Variants in ALPK1 observed in about 807,000 individuals in gnomAD.
The protein encoded by ALPK1 is alpha kinase 1.
In ALPK1, 110 loss-of-function variants were observed where a neutral mutation model predicts 120.6. That is an observed-to-expected ratio of 0.91 (90% confidence interval 0.78 to 1.07). ALPK1 has a LOEUF of 1.07. Among genes scored for constraint, ALPK1 ranks in the 50% least tolerant of loss-of-function variants. ALPK1 has a pLI of 0.00. For synonymous variants in ALPK1, 582 were observed against 560.3 expected (o/e 1.04, Z -0.55); for missense variants, 1,498 against 1,483.9 (o/e 1.01, Z -0.16).
chr4:112,415,683 T>C lies in ALPK1; in HGVS notation c.475+3658T>C, dbSNP rs544270993. Among the ~76,000 whole-genome samples, 10 of 150,584 alleles carry C rather than the reference T, an allele frequency of 6.6e-5. No individual in the cohort carries two copies. In the South Asian group the frequency reaches 1.5e-3, roughly 22 times the overall value. On this transcript the variant is annotated intron_variant, in intron 5 of 15. Transcript: ENST00000650871. ...ACAAAAAAGAAAAAAAAAGAGAAAG[T>C]AATAGTAATTGATGGGGAATTCCCC...
intron 2 of ALPK1, among the ~76,000 whole-genome samples, chr4:112,332,521 G>A (rs1036479337): frequency 1.3e-5 from 2 of 152,204 alleles, no homozygotes; most frequent in African/African-American, 4.8e-5. Flanking sequence ...TTGACTGGTT[G>A]CCATCAATTA....
At chr4:112,438,051 T>C (rs553911936) in intron 12 of ALPK1, among the ~76,000 whole-genome samples, 2 of 152,328 alleles carry the variant, frequency 1.3e-5, no homozygotes, top group South Asian at 4.1e-4. Context: ...TATTGACGGA[T>C]AATAAGTATT....
chr4:112,300,145 A>G (rs1388600497), intron 1 of ALPK1, among the ~76,000 whole-genome samples: 1 of 152,236 alleles, frequency 6.6e-6, no homozygotes, highest in Non-Finnish European at 1.5e-5. Flanking sequence ...AAGATACTGT[A>G]CCCATAAAAC....
chr4:112,379,868 A>G (rs1443248180), intron 3 of ALPK1, among the ~76,000 whole-genome samples: 1 of 152,226 alleles, frequency 6.6e-6, no homozygotes, highest in Non-Finnish European at 1.5e-5. Context: ...AGTGCCTCAC[A>G]GGACATTCTG....
chr4:112,324,155 G>A (rs370709117), intron 2 of ALPK1, among the ~76,000 whole-genome samples: 12 of 152,136 alleles, frequency 7.9e-5, no homozygotes, highest in African/African-American at 2.7e-4. Flanking sequence ...GTGAAACCCC[G>A]TCTCTACTAA....
intron 2 of ALPK1, among the ~76,000 whole-genome samples, chr4:112,333,217 AC>A (rs1729464255): frequency 6.6e-6 from 1 of 152,232 alleles, no homozygotes; most frequent in Admixed American, 6.5e-5. Flanking sequence ...AATTATGCCC[AC>A]CTTGCCTCTT....
chr4:112,392,102 C>T (rs1732446323), intron 4 of ALPK1, among the ~76,000 whole-genome samples: 1 of 152,140 alleles, frequency 6.6e-6, no homozygotes, highest in Non-Finnish European at 1.5e-5. Context: ...TTGGGAAAAA[C>T]ATATCACTCT....
intron 2 of ALPK1, among the ~76,000 whole-genome samples, chr4:112,340,927 T>C (rs1045174403): frequency 1.3e-5 from 2 of 152,244 alleles, no homozygotes; most frequent in Non-Finnish European, 2.9e-5. Flanking sequence ...CATGTAATGA[T>C]GTGTAGCATC....
At chr4:112,358,309 C>A (rs1433886639) in intron 2 of ALPK1, 5 of 604,260 alleles carry the variant, frequency 8.3e-6, no homozygotes, top group Non-Finnish European at 1.5e-5. Flanking sequence ...TCGGCCATGT[C>A]ATCCAAGACG....
At position 112,357,767 on chromosome 4, in the gene ALPK1, G is replaced by C. The variant is rs569271216; in HGVS notation, c.-100-19911G>C. 42 of 1,133,582 alleles carry C rather than the reference G, an allele frequency of 3.7e-5. No homozygotes were observed. In the Middle Eastern group the frequency reaches 1.6e-3, roughly 43 times the overall value. 70.2% of individuals were successfully genotyped at this position (1,133,582 alleles called of 1,614,324 possible). On this transcript the variant is annotated intron_variant, in intron 2 of 15. Coordinates refer to ENST00000650871, the MANE Select transcript of ALPK1 (RefSeq NM_025144.4). ...GGGAAGGCTCTGGGCAACATCGCCC[G>C]CATGGTGCCCTATGGGCTCCTGATC...
At chr4:112,373,443 A>T (rs1731506848) in intron 2 of ALPK1, among the ~76,000 whole-genome samples, 1 of 152,342 alleles carries the variant, frequency 6.6e-6, no homozygotes, top group Admixed American at 6.5e-5. Flanking sequence ...GTTAAAAGGG[A>T]CATTGGAAAC....
intron 2 of ALPK1, among the ~76,000 whole-genome samples, chr4:112,373,363 G>C (rs1444063757): frequency 6.6e-6 from 1 of 152,204 alleles, no homozygotes. Context: ...TTACTGCTCA[G>C]TTCTTTTCCT....
chr4:112,432,578 C>T lies in ALPK1; in HGVS notation c.3031C>T (p.His1011Tyr), dbSNP rs1373948157. 2 of 1,610,396 alleles carry T rather than the reference C, an allele frequency of 1.2e-6. No individual in the cohort carries two copies. The highest frequency in any genetic ancestry group is 1.3e-5 in the African/African-American group (1 of 74,898). ...TAAGCCCAGTCAACTCCACCGAGCACATAGTAAGTACAATCTTTTCAATAG... is the reference window on the plus strand; with the variant it reads ...TAAGCCCAGTCAACTCCACCGAGCATATAGTAAGTACAATCTTTTCAATAG... Reference protein sequence around the residue: ...VFKPSQLHRAHSALLLKYSKK... With the variant: ...VFKPSQLHRAYSALLLKYSKK... The change falls in exon 11 of 16, where the codon CAT becomes TAT. Residue 1011 changes from histidine (H) to tyrosine (Y), a missense_variant. Physicochemically the swap from His to Tyr is moderately conservative, Grantham distance 83. Transcript: ENST00000650871.
At chr4:112,324,039 T>A (rs1560636654) in intron 2 of ALPK1, among the ~76,000 whole-genome samples, 1 of 152,176 alleles carries the variant, frequency 6.6e-6, no homozygotes, top group Non-Finnish European at 1.5e-5. Flanking sequence ...ATAAAAAGCC[T>A]GCTCTTGGCC....
At chr4:112,400,632 G>A (rs1457271026) in intron 4 of ALPK1, among the ~76,000 whole-genome samples, 2 of 152,088 alleles carry the variant, frequency 1.3e-5, no homozygotes, top group African/African-American at 2.4e-5. Context: ...ATATAATTTT[G>A]GAATTTGGGA....
intron 4 of ALPK1, among the ~76,000 whole-genome samples, chr4:112,408,453 T>A (rs2148746875): frequency 6.6e-6 from 1 of 152,170 alleles, no homozygotes; most frequent in African/African-American, 2.4e-5. Context: ...GATTTACATT[T>A]TATGAATGCC....
chr4:112,418,207 C>T (rs1403847022), intron 5 of ALPK1, among the ~76,000 whole-genome samples: 3 of 152,198 alleles, frequency 2.0e-5, no homozygotes, highest in Admixed American at 6.5e-5. Flanking sequence ...AGACATGGCT[C>T]GCCGCGTGGC....
chr4:112,380,772 C>T (rs1192324209), intron 3 of ALPK1, among the ~76,000 whole-genome samples: 1 of 151,948 alleles, frequency 6.6e-6, no homozygotes, highest in East Asian at 1.9e-4. Flanking sequence ...GGTCTTTCAC[C>T]CATCATGATG....
chr4:112,357,798 C>G, intron 2 of ALPK1: 1 of 1,012,560 alleles, frequency 9.9e-7, no homozygotes, highest in South Asian at 1.3e-5. Flanking sequence ...TGATCTTCTT[C>G]CCTTCATATC....
Sources: allele counts gnomAD v4.1 joint callset (sites outside exome capture counted in the v4.1 genomes callset), GRCh38; gene constraint gnomAD v4.1.1; transcripts MANE v1.5; gene names NCBI Gene and HGNC (gene_info 2026-07-23, HGNC 2026-07-21).